Variants in DYNC2LI1 observed in about 807,000 individuals in gnomAD.
DYNC2LI1 encodes the protein cytoplasmic dynein 2 light intermediate chain 1.
A neutral mutation model predicts 51.9 loss-of-function variants in DYNC2LI1; 45 were observed. The ratio of observed to expected loss-of-function variants is 0.87; its 90% CI spans 0.68 to 1.11. DYNC2LI1 has a LOEUF of 1.11. Among genes scored for constraint, DYNC2LI1 ranks in the 50% most tolerant of loss-of-function variants. The pLI is 0.00. For missense variants in DYNC2LI1, 490 were observed against 417.4 expected (o/e 1.17, Z -1.51); for synonymous variants, 130 against 137.8 (o/e 0.94, Z 0.40).
At chr2:43,787,706 C>G (rs1190033282) in intron 4 of DYNC2LI1, among the ~76,000 whole-genome samples, 2 of 152,036 alleles carry the variant, frequency 1.3e-5, no homozygotes, top group Non-Finnish European at 2.9e-5. Context: ...TTTAATGTCT[C>G]TTTAGAGGAA....
chr2:43,824,649 T>G, the DYNC2LI1 span: 1 of 985,070 alleles, frequency 1.0e-6, no homozygotes. Context: ...GAAGCTCAGC[T>G]AATTATGCTC....
the DYNC2LI1 span, chr2:43,827,996 C>A: frequency 6.2e-7 from 1 of 1,614,084 alleles, no homozygotes; most frequent in Non-Finnish European, 8.5e-7. Flanking sequence ...GATCCTGGAG[C>A]AGCTGGGCTG....
the DYNC2LI1 span, among the ~76,000 whole-genome samples, chr2:43,817,443 C>A: frequency 1.3e-5 from 2 of 151,946 alleles, no homozygotes; most frequent in African/African-American, 2.4e-5. Context: ...CGAGATCGTG[C>A]CATTGCATTC....
chr2:43,816,760 T>C, the DYNC2LI1 span, among the ~76,000 whole-genome samples: 1 of 152,252 alleles, frequency 6.6e-6, no homozygotes, highest in Non-Finnish European at 1.5e-5. Context: ...TTTTATATCT[T>C]ATACAACAGG....
At chr2:43,798,075 CA>C (rs1665948202) in intron 8 of DYNC2LI1, among the ~76,000 whole-genome samples, 2 of 151,052 alleles carry the variant, frequency 1.3e-5, no homozygotes, top group African/African-American at 4.9e-5. Flanking sequence ...TGCAGTGAAC[CA>C]AAATCACACC....
At position 43,795,967 on chromosome 2, in the gene DYNC2LI1, T is replaced by C. The variant is rs202007843; in HGVS notation, c.576+9T>C. The C allele has an allele frequency of 5.4e-4, 863 of 1,606,656 alleles. 5 individuals are homozygous for C. In the Middle Eastern group the frequency reaches 6.4e-3, roughly 12 times the overall value. ...AATATGATGTTTTTCAGGTAAGCTC[T>C]TCCGCTTCTAGCTGAGTTTGTTGTA... On this transcript the variant is annotated intron_variant, in intron 7 of 12. Transcript: ENST00000260605.
chr2:43,783,574 T>G lies in DYNC2LI1; in HGVS notation c.161+20T>G, dbSNP rs1673389779. On this transcript the variant is annotated intron_variant, in intron 3 of 12. Transcript: ENST00000260605. ...TGACAGGTAAGTGTTATGTTAACCT[T>G]TAAACTATATTTATGCTTATTCTAG... 1 of 1,469,700 alleles carries G rather than the reference T, an allele frequency of 6.8e-7. No homozygotes were observed. Among genetic ancestry groups the G allele is most frequent in the Admixed American group, 2.6e-5 (1 of 38,988 alleles). 91.0% of individuals were successfully genotyped at this position (1,469,700 alleles called of 1,614,324 possible).
the DYNC2LI1 span, among the ~76,000 whole-genome samples, chr2:43,825,485 A>G: frequency 6.6e-6 from 1 of 152,328 alleles, no homozygotes; most frequent in East Asian, 1.9e-4. Context: ...TTGGAAGGAA[A>G]TCAGTATGAT....
chr2:43,826,967 G>A, the DYNC2LI1 span, among the ~76,000 whole-genome samples: 11 of 152,344 alleles, frequency 7.2e-5, no homozygotes, highest in Non-Finnish European at 1.5e-4. Flanking sequence ...AATAAAACAA[G>A]GCCTGAAGTG....
the DYNC2LI1 span, chr2:43,828,229 C>T: frequency 3.5e-6 from 5 of 1,425,756 alleles, no homozygotes; most frequent in Admixed American, 3.7e-5. Flanking sequence ...CCAAGGGCCA[C>T]TTCCAGACTC....
At chr2:43,789,356 T>A (rs1673671134) in intron 4 of DYNC2LI1, among the ~76,000 whole-genome samples, 1 of 152,214 alleles carries the variant, frequency 6.6e-6, no homozygotes, top group African/African-American at 2.4e-5. Context: ...CATATGTTAT[T>A]TACAAGATTG....
chr2:43,778,385 C>A (rs1673119621), intron 2 of DYNC2LI1, among the ~76,000 whole-genome samples: 1 of 152,124 alleles, frequency 6.6e-6, no homozygotes, highest in South Asian at 2.1e-4. Flanking sequence ...AACTCCTGGA[C>A]TCAAGCAATC....
chr2:43,821,154 G>T, the DYNC2LI1 span, among the ~76,000 whole-genome samples: 1 of 152,130 alleles, frequency 6.6e-6, no homozygotes, highest in Non-Finnish European at 1.5e-5. Context: ...ACTCTTCAAG[G>T]CCATCTACTT....
At chr2:43,787,584 G>T (rs992836974) in intron 4 of DYNC2LI1, among the ~76,000 whole-genome samples, 2 of 152,162 alleles carry the variant, frequency 1.3e-5, no homozygotes, top group African/African-American at 4.8e-5. Context: ...GAATATTTAT[G>T]AAAATATACT....
intron 8 of DYNC2LI1, among the ~76,000 whole-genome samples, chr2:43,798,125 A>AT (rs1665950273): frequency 6.6e-6 from 1 of 151,832 alleles, no homozygotes; most frequent in African/African-American, 2.4e-5. Context: ...AAAAAAAAAA[A>AT]TTTCCTTTAC....
intron 5 of DYNC2LI1, among the ~76,000 whole-genome samples, chr2:43,791,081 C>A (rs1034695200): frequency 6.6e-6 from 1 of 152,110 alleles, no homozygotes; most frequent in Admixed American, 6.6e-5. Flanking sequence ...ATTAGCCAGG[C>A]ATCATAGCAA....
Position 43,774,048 on chromosome 2 carries a change from C to T in DYNC2LI1, c.-91C>T. ...GCTCCCATGGCAACCCAGAAGGCCTCACTCCCAGACTCCTTGCGGAGCTCG... is the reference window on the plus strand; with the variant it reads ...GCTCCCATGGCAACCCAGAAGGCCTTACTCCCAGACTCCTTGCGGAGCTCG... On this transcript the variant is annotated 5_prime_UTR_variant, in exon 1 of 13. Coordinates refer to ENST00000260605, the MANE Select transcript of DYNC2LI1 (RefSeq NM_016008.4). 1 of 1,554,942 alleles carries T rather than the reference C, an allele frequency of 6.4e-7. No homozygotes were observed.
At chr2:43,824,023 A>G in the DYNC2LI1 span, 1 of 1,614,250 alleles carries the variant, frequency 6.2e-7, no homozygotes, top group Non-Finnish European at 8.5e-7. Context: ...TCGGACCCGC[A>G]GAACGAAGAA....
rs142464485 is a variant in DYNC2LI1, at chr2:43,789,685, A to G, written c.284A>G (p.Asp95Gly). ...CTCGGTGGAGGAACCTCTTTATTGG[A>G]CTTAATCAGCATACCCATCACAGGT... Reference protein sequence around the residue: ...WELGGGTSLLDLISIPITGDT... With the variant: ...WELGGGTSLLGLISIPITGDT... The change falls in exon 5 of 13, where the codon GAC becomes GGC. Residue 95 changes from aspartate (D) to glycine (G), a missense_variant. Physicochemically the swap from Asp to Gly is moderately conservative, Grantham distance 94. Coordinates refer to ENST00000260605, the MANE Select transcript of DYNC2LI1 (RefSeq NM_016008.4). The G allele has an allele frequency of 1.5e-5, 25 of 1,613,926 alleles. No individual in the cohort carries two copies. The highest frequency in any genetic ancestry group is 2.1e-5 in the Non-Finnish European group (25 of 1,179,906).
Sources: gnomAD v4.1 joint callset for allele counts (sites outside exome capture counted in the v4.1 genomes callset) on GRCh38, gnomAD v4.1.1 for gene constraint, MANE v1.5 for transcripts, NCBI Gene and HGNC (gene_info 2026-07-23, HGNC 2026-07-21) for gene names.